Variants in CAST observed in about 807,000 individuals in gnomAD.
The protein encoded by CAST is MIR583 host.
A neutral mutation model predicts 119.6 loss-of-function variants in CAST; 76 were observed. The observed-to-expected ratio is 0.64, with a 90% CI of 0.53 to 0.77. The LOEUF (loss-of-function observed/expected upper bound fraction) is 0.77, where lower values mean the gene tolerates loss of function less well. Among genes scored for constraint, CAST ranks in the 30% least tolerant of loss-of-function variants. CAST has a pLI of 0.00. For synonymous variants in CAST, 319 were observed against 331.6 expected (o/e 0.96, Z 0.41); for missense variants, 953 against 946.5 (o/e 1.01, Z -0.09).
At chr5:96,171,412 A>C in the CAST span, among the ~76,000 whole-genome samples, 1 of 152,126 alleles carries the variant, frequency 6.6e-6, no homozygotes. Context: ...AAGCCCAGAG[A>C]AAAGAGAGGG....
At chr5:96,680,426 T>C (rs1318921150) in intron 2 of CAST, among the ~76,000 whole-genome samples, 1 of 150,290 alleles carries the variant, frequency 6.7e-6, no homozygotes, top group East Asian at 1.9e-4. Flanking sequence ...TCATCTAGGA[T>C]TCTAGCACCT....
At chr5:96,379,236 A>C in the CAST span, among the ~76,000 whole-genome samples, 5 of 152,208 alleles carry the variant, frequency 3.3e-5, no homozygotes, top group Non-Finnish European at 5.9e-5. Context: ...GAAAAATGTT[A>C]CAAATATATG....
intron 22 of CAST, among the ~76,000 whole-genome samples, 157 bp from the exon 23 acceptor site, chr5:96,757,287 T>C (rs1766519596): frequency 6.6e-6 from 1 of 152,220 alleles, no homozygotes; most frequent in African/African-American, 2.4e-5. Context: ...AATTAGAGCA[T>C]ATTCTCTGGT....
the CAST span, among the ~76,000 whole-genome samples, chr5:96,362,975 A>G: frequency 2.0e-5 from 3 of 152,062 alleles, no homozygotes; most frequent in Admixed American, 1.3e-4. Flanking sequence ...CAGGTCTAAC[A>G]TTTAAGTCTT....
the CAST span, among the ~76,000 whole-genome samples, chr5:96,472,934 C>T: frequency 5.5e-4 from 83 of 152,238 alleles, no homozygotes; most frequent in African/African-American, 1.7e-3. Context: ...GGCTTCCTTG[C>T]CTTTTTCAGT....
the CAST span, among the ~76,000 whole-genome samples, chr5:96,273,565 A>G: frequency 6.6e-6 from 1 of 152,230 alleles, no homozygotes; most frequent in Admixed American, 6.5e-5. Context: ...CTTGTTGAAG[A>G]AAAAGGTTTT....
At chr5:96,765,851 C>A (rs1769749551) in intron 26 of CAST, among the ~76,000 whole-genome samples, 1 of 152,126 alleles carries the variant, frequency 6.6e-6, no homozygotes, top group South Asian at 2.1e-4. Context: ...AATTGACATA[C>A]AGAAGCATAC....
chr5:96,042,926 T>A, the CAST span, among the ~76,000 whole-genome samples: 1 of 152,254 alleles, frequency 6.6e-6, no homozygotes, highest in East Asian at 1.9e-4. Context: ...TGTGTGAAGA[T>A]GAAATACTGA....
At chr5:96,592,043 G>A (rs149926217) in intron 1 of CAST, among the ~76,000 whole-genome samples, 69 of 152,316 alleles carry the variant, frequency 4.5e-4, no homozygotes, top group African/African-American at 1.6e-3. Flanking sequence ...ATTTCTCTTA[G>A]CCATGTTTGT....
intron 2 of CAST, among the ~76,000 whole-genome samples, chr5:96,689,151 C>A (rs921844288): frequency 3.3e-5 from 5 of 152,178 alleles, no homozygotes; most frequent in African/African-American, 1.2e-4. Context: ...AAACTGTGAT[C>A]TTTTCTCTGA....
In CAST at chr5:96,615,261, T is replaced by G. The variant is rs373056942; in HGVS notation, c.61-60278T>G. Among the ~76,000 whole-genome samples, 117 of 152,342 alleles carry G rather than the reference T, an allele frequency of 7.7e-4. 1 individual carries two copies. In the South Asian group the frequency reaches 0.024, roughly 31 times the overall value. ...CAGCAGCTTTGGTGTATTAAGTGCA[T>G]TTTTGACTTACAATATTTTCTATTT... is the stretch of plus-strand genomic sequence containing the variant. On this transcript the variant is annotated intron_variant, in intron 1 of 11. Transcript: ENST00000505143.
At chr5:96,361,127 C>T in the CAST span, among the ~76,000 whole-genome samples, 1 of 152,164 alleles carries the variant, frequency 6.6e-6, no homozygotes, top group African/African-American at 2.4e-5. Flanking sequence ...TTTGTTTACA[C>T]TCTTAGGGGA....
At chr5:96,449,354 G>A in the CAST span, among the ~76,000 whole-genome samples, 1 of 152,168 alleles carries the variant, frequency 6.6e-6, no homozygotes, top group Admixed American at 6.5e-5. Flanking sequence ...ATGCCCACCT[G>A]AGCTCCGCCT....
intron 1 of CAST, among the ~76,000 whole-genome samples, chr5:96,673,420 C>T (rs1468880318): frequency 6.6e-6 from 1 of 152,176 alleles, no homozygotes. Context: ...GCTTTTATAG[C>T]TGAATGTGGA....
chr5:96,765,256 ACT>A lies in CAST; in HGVS notation c.1973_1974del (p.Ser658Ter), dbSNP rs771326426. 1.9e-6 allele frequency: 3 copies of A among 1,608,860 alleles called. No individual in the cohort carries two copies. Among genetic ancestry groups the A allele is most frequent in the South Asian group, 2.2e-5 (2 of 90,840 alleles). ...AAGACCTCGATGATGCCTTGGATAAACTCTCTGACAGTCTAGGACAAAGGCAG... is the reference window on the plus strand; with the variant it reads ...AAGACCTCGATGATGCCTTGGATAAACTCTGACAGTCTAGGACAAAGGCAG... ...DKDLDDALDKLSDSLGQRQPD... is the reference protein window; with the variant it reads ...DKDLDDALDKXSDSLGQRQPD... On this transcript the variant is annotated frameshift_variant, in exon 26 of 32. Transcript: ENST00000675179. LOFTEE classifies it high-confidence loss of function.
At chr5:96,094,126 A>G in the CAST span, among the ~76,000 whole-genome samples, 3 of 152,254 alleles carry the variant, frequency 2.0e-5, no homozygotes, top group Non-Finnish European at 4.4e-5. Flanking sequence ...TTGTTGTTAA[A>G]TACACAGAAA....
At chr5:96,128,892 C>A in the CAST span, among the ~76,000 whole-genome samples, 3 of 152,080 alleles carry the variant, frequency 2.0e-5, no homozygotes, top group African/African-American at 7.2e-5. Context: ...TGGATTATTT[C>A]ATTTAATATG....
chr5:96,631,877 G>A (rs114248710), intron 1 of CAST, among the ~76,000 whole-genome samples: 2,370 of 152,134 alleles, frequency 0.016, 34 homozygotes, highest in Non-Finnish European at 0.024. Flanking sequence ...TGGAATTGCC[G>A]GGTCATATGG....
the CAST span, chr5:96,210,245 G>C: frequency 4.6e-5 from 7 of 152,022 alleles, no homozygotes; most frequent in East Asian, 9.7e-4. Context: ...AGAATTCTTT[G>C]CCTACAACTC....
Sources: gnomAD v4.1 joint callset for allele counts (sites outside exome capture counted in the v4.1 genomes callset) on GRCh38, gnomAD v4.1.1 for gene constraint, MANE v1.5 for transcripts, NCBI Gene and HGNC (gene_info 2026-07-23, HGNC 2026-07-21) for gene names.